Variants in FRMPD2 observed in about 807,000 individuals in gnomAD.
The protein encoded by FRMPD2 is FERM and PDZ domain-containing protein 2.
FRMPD2 carries 96 observed loss-of-function variants against 140.1 expected under a neutral mutation model. The observed-to-expected ratio is 0.69, with a 90% CI of 0.58 to 0.81. FRMPD2 has a LOEUF of 0.81. FRMPD2 is among the 40% of genes least tolerant of loss of function. The pLI is 0.00. For missense variants in FRMPD2, 1,240 were observed against 1,447.4 expected (o/e 0.86, Z 2.32); for synonymous variants, 449 against 547.6 (o/e 0.82, Z 2.52).
At chr10:48,188,515 T>C (rs1448824008) in intron 16 of FRMPD2, among the ~76,000 whole-genome samples, 3 of 152,174 alleles carry the variant, frequency 2.0e-5, no homozygotes, top group Admixed American at 2.0e-4. Context: ...TCCAAGGCAC[T>C]GAGGGTAAAG....
rs182377824 is a variant in FRMPD2 at position 48,205,177 on chromosome 10, T to A, written c.1797+1571A>T. On this transcript the variant is annotated intron_variant, in intron 14 of 28. Coordinates refer to ENST00000374201, the MANE Select transcript of FRMPD2 (RefSeq NM_001018071.4). ...GCAGCAAACTGCTGGTGACATTACT[T>A]CATCTGACGACTGTTCCTTAAAAAT... is the stretch of plus-strand genomic sequence containing the variant. Among the ~76,000 whole-genome samples, 303 of 152,352 alleles carry A rather than the reference T, an allele frequency of 2.0e-3. 6 individuals carry two copies. The highest frequency in any genetic ancestry group is 8.4e-3 in the Admixed American group (128 of 15,308).
chr10:48,203,506 T>C (rs962676741), intron 14 of FRMPD2, among the ~76,000 whole-genome samples: 3 of 152,198 alleles, frequency 2.0e-5, no homozygotes, highest in African/African-American at 2.4e-5. Flanking sequence ...TTACTGCAAT[T>C]AGGTGGGCGC....
At chr10:48,188,889 A>C (rs1458727519) in intron 16 of FRMPD2, among the ~76,000 whole-genome samples, 1 of 152,196 alleles carries the variant, frequency 6.6e-6, no homozygotes, top group Non-Finnish European at 1.5e-5. Flanking sequence ...TGGAGCAGTC[A>C]CATTCATAGA....
In FRMPD2 at chr10:48,176,925, C is replaced by T. The variant is rs372326562; in HGVS notation, c.2896-986G>A. Reference sequence around the variant, plus strand: ...TTGCTCTAGGTACATAGCATTATCACAGGGGAAAGCAAAGAATGCCCTCCA... The same window carrying T: ...TTGCTCTAGGTACATAGCATTATCATAGGGGAAAGCAAAGAATGCCCTCCA... On this transcript the variant is annotated intron_variant, in intron 22 of 28. Coordinates refer to ENST00000374201, the MANE Select transcript of FRMPD2 (RefSeq NM_001018071.4). Among the ~76,000 whole-genome samples, 362 of 152,210 alleles carry T rather than the reference C, an allele frequency of 2.4e-3. 1 individual carries two copies. The highest frequency in any genetic ancestry group is 8.7e-3 in the East Asian group (45 of 5,186).
At chr10:48,177,095 G>A (rs1189767108) in intron 22 of FRMPD2, among the ~76,000 whole-genome samples, 1 of 150,478 alleles carries the variant, frequency 6.6e-6, no homozygotes, top group East Asian at 1.9e-4. Context: ...AGGGTCTGAA[G>A]GTAATGGATC....
At position 48,232,058 on chromosome 10, in the gene FRMPD2, G is replaced by A. The variant is rs188378730; in HGVS notation, c.1168+57C>T. The A allele has an allele frequency of 1.5e-5, 23 of 1,524,194 alleles. No homozygotes were observed. In the East Asian group the frequency reaches 3.6e-4, roughly 24 times the overall value. The allele number at this position is 1,524,194 out of a possible 1,614,324, so 94.4% of individuals were successfully genotyped here. ...AGAAGAAACAGAGCTCAGGTACCCAGATACCTGGGTTACCAGAGGCACCAG... is the reference window on the plus strand; with the variant it reads ...AGAAGAAACAGAGCTCAGGTACCCAAATACCTGGGTTACCAGAGGCACCAG... On this transcript the variant is annotated intron_variant, in intron 10 of 28. Coordinates refer to ENST00000374201, the MANE Select transcript of FRMPD2 (RefSeq NM_001018071.4).
chr10:48,218,707 A>G (rs542839090), intron 12 of FRMPD2, among the ~76,000 whole-genome samples: 1 of 152,270 alleles, frequency 6.6e-6, no homozygotes, highest in Non-Finnish European at 1.5e-5. Flanking sequence ...TGGAACCTGG[A>G]GAGTGGAATT....
chr10:48,264,793 G>A (rs960629278), intron 1 of FRMPD2, among the ~76,000 whole-genome samples: 1 of 152,052 alleles, frequency 6.6e-6, no homozygotes, highest in African/African-American at 2.4e-5. Flanking sequence ...TAATTCTAAA[G>A]TTTAAATGAA....
chr10:48,235,675 C>G (rs184193559), intron 9 of FRMPD2, among the ~76,000 whole-genome samples: 1 of 152,188 alleles, frequency 6.6e-6, no homozygotes, highest in African/African-American at 2.4e-5. Context: ...ACAATGTGTG[C>G]GCTTCCAGCC....
intron 13 of FRMPD2, 25 bp downstream of exon 13, chr10:48,211,927 CCT>C: frequency 2.5e-6 from 4 of 1,607,136 alleles, no homozygotes; most frequent in Non-Finnish European, 3.4e-6. Context: ...AAGACCAACA[CCT>C]CTCTCCAGGT....
chr10:48,272,320 G>A (rs1448745677), intron 1 of FRMPD2, among the ~76,000 whole-genome samples: 1 of 152,240 alleles, frequency 6.6e-6, no homozygotes, highest in African/African-American at 2.4e-5. Flanking sequence ...TGGCCTGTGA[G>A]AGCCAATTGT....
At chr10:48,247,432 G>T (rs904928013) in intron 3 of FRMPD2, among the ~76,000 whole-genome samples, 1 of 152,232 alleles carries the variant, frequency 6.6e-6, no homozygotes, top group African/African-American at 2.4e-5. Context: ...GAGAAAATGG[G>T]AAGGGAGACA....
intron 8 of FRMPD2, 91 bp downstream of exon 8, chr10:48,237,900 G>T: frequency 6.8e-7 from 1 of 1,472,372 alleles, no homozygotes; most frequent in Non-Finnish European, 9.5e-7. Context: ...TCCCCTAGAA[G>T]ACCCTGCCCA....
At chr10:48,175,291 TC>T in intron 23 of FRMPD2, 4 of 607,002 alleles carry the variant, frequency 6.6e-6, no homozygotes, top group Non-Finnish European at 1.0e-5. Flanking sequence ...TATTTATATC[TC>T]CAGCATGTAT....
In FRMPD2 at chr10:48,262,608, G is replaced by A. The variant is rs185983699; in HGVS notation, c.26-10917C>T. ...CAGCAGACAGAAAATCAGTAAAGACGTAGTTAAACTAGACACACTGCCAAA... is the reference window on the plus strand; with the variant it reads ...CAGCAGACAGAAAATCAGTAAAGACATAGTTAAACTAGACACACTGCCAAA... On this transcript the variant is annotated intron_variant, in intron 1 of 28. Transcript: ENST00000374201. 1.8e-4 allele frequency among the ~76,000 whole-genome samples: 27 copies of A among 152,194 alleles called. 1 individual carries two copies. The highest frequency in any genetic ancestry group is 7.2e-4 in the Admixed American group (11 of 15,280).
chr10:48,174,945 G>T lies in FRMPD2; in HGVS notation c.3000C>A (p.Leu1000=). The change falls in exon 24 of 29, where the codon CTC becomes CTA. Residue 1000 remains leucine, a synonymous_variant. Coordinates refer to ENST00000374201, the MANE Select transcript of FRMPD2 (RefSeq NM_001018071.4). ...ACAGAATCACTCCATCCACCTGCAG[G>T]AGTCGGTCACCTGGGAAAGGGATAG... ...KEGQILQGDR[L]LQVDGVILCG... is the part of the protein sequence containing the mutation. 2.8e-6 allele frequency: 2 copies of T among 722,466 alleles called. No homozygotes were observed. The highest frequency in any genetic ancestry group is 3.1e-5 in the South Asian group (2 of 64,710). 44.8% of individuals were successfully genotyped at this position (722,466 alleles called of 1,614,324 possible). A position where few individuals can be genotyped will look rare whatever the true frequency, so the allele number is the denominator to read the frequency against.
intron 1 of FRMPD2, among the ~76,000 whole-genome samples, chr10:48,268,499 G>A (rs1840714920): frequency 6.6e-6 from 1 of 152,198 alleles, no homozygotes; most frequent in Non-Finnish European, 1.5e-5. Flanking sequence ...AAACTGTTAA[G>A]TCAAAATGTC....
intron 2 of FRMPD2, among the ~76,000 whole-genome samples, chr10:48,250,953 T>C (rs1231315271): frequency 1.4e-5 from 2 of 146,256 alleles, no homozygotes; most frequent in Admixed American, 6.6e-5. Context: ...AGCGCAACCA[T>C]ACCTGGCAAA....
chr10:48,160,144 GC>G (rs1837895231), intron 28 of FRMPD2, among the ~76,000 whole-genome samples: 1 of 151,562 alleles, frequency 6.6e-6, no homozygotes, highest in Non-Finnish European at 1.5e-5. Flanking sequence ...CATGACTCCA[GC>G]CAAGCTTTCC....
Sources: gnomAD v4.1 joint callset for allele counts (sites outside exome capture counted in the v4.1 genomes callset) on GRCh38, gnomAD v4.1.1 for gene constraint, MANE v1.5 for transcripts, NCBI Gene and HGNC (gene_info 2026-07-23, HGNC 2026-07-21) for gene names.